The following ERBB4 variants were observed in gnomAD, a reference collection of about 807,000 sequenced individuals.
ERBB4 encodes receptor tyrosine-protein kinase erbB-4.
ERBB4 carries 42 observed loss-of-function variants against 158.0 expected under a neutral mutation model. That is an observed-to-expected ratio of 0.27 (90% CI 0.21 to 0.34). The LOEUF is 0.34. Ranked by LOEUF, ERBB4 falls within the 10% of genes least tolerant of loss-of-function variation. The pLI is 1.00. For synonymous variants in ERBB4, 583 were observed against 558.7 expected (o/e 1.04, Z -0.61); for missense variants, 1,333 against 1,624.1 (o/e 0.82, Z 3.08).
chr2:212,130,901 G>A lies in ERBB4; in HGVS notation c.83-5998C>T, dbSNP rs183977481. On this transcript the variant is annotated intron_variant, in intron 1 of 27. Coordinates refer to ENST00000342788, the MANE Select transcript of ERBB4 (RefSeq NM_005235.3). ...TCAAAGGCTGGCTACATAAAATATG[G>A]AACTTGATAAAAAATTCTTTTGCTG... 4.4e-4 allele frequency among the ~76,000 whole-genome samples: 67 copies of A among 152,236 alleles called. 1 individual carries two copies. Among genetic ancestry groups the A allele is most frequent in the African/African-American group, 1.6e-3 (65 of 41,564 alleles).
chr2:211,993,771 T>C (rs1361965695), intron 2 of ERBB4, among the ~76,000 whole-genome samples: 1 of 151,760 alleles, frequency 6.6e-6, no homozygotes, highest in Admixed American at 6.6e-5. Flanking sequence ...TAAGATCATT[T>C]CTGCTTTTAA....
chr2:212,228,435 T>G (rs963262469), intron 1 of ERBB4, among the ~76,000 whole-genome samples: 1 of 152,182 alleles, frequency 6.6e-6, no homozygotes, highest in Admixed American at 6.6e-5. Context: ...GTGGAGGAGA[T>G]AATTTATAAT....
intron 1 of ERBB4, among the ~76,000 whole-genome samples, chr2:212,180,204 C>G (rs1329731488): frequency 6.6e-6 from 1 of 151,674 alleles, no homozygotes; most frequent in Non-Finnish European, 1.5e-5. Flanking sequence ...ATAGTATATC[C>G]TCATAGGGGC....
At chr2:211,966,505 G>T (rs1014092006) in intron 2 of ERBB4, among the ~76,000 whole-genome samples, 6 of 152,122 alleles carry the variant, frequency 3.9e-5, no homozygotes, top group Non-Finnish European at 5.9e-5. Flanking sequence ...CTCCCAAAGG[G>T]CTGGGATTAC....
chr2:212,203,170 G>T (rs1435526240), intron 1 of ERBB4, among the ~76,000 whole-genome samples: 1 of 152,012 alleles, frequency 6.6e-6, no homozygotes, highest in Non-Finnish European at 1.5e-5. Flanking sequence ...ATAATAAGGA[G>T]AACAAATGGG....
At chr2:211,934,941 A>AAAAAAAAAAAAAAAAAGC in intron 3 of ERBB4, among the ~76,000 whole-genome samples, 1 of 150,334 alleles carries the variant, frequency 6.7e-6, no homozygotes, top group Admixed American at 6.6e-5. Context: ...AAAAAAAAAA[A>AAAAAAAAAAAAAAAAAGC]CTGCCTTGAA....
At chr2:212,309,885 T>C (rs1346704160) in intron 1 of ERBB4, among the ~76,000 whole-genome samples, 2 of 150,598 alleles carry the variant, frequency 1.3e-5, no homozygotes, top group African/African-American at 4.8e-5. Context: ...GGAGATGTTA[T>C]CATCCTATAT....
At chr2:211,917,695 C>T (rs965256935) in intron 3 of ERBB4, among the ~76,000 whole-genome samples, 1 of 151,582 alleles carries the variant, frequency 6.6e-6, no homozygotes, top group Admixed American at 6.6e-5. Context: ...AATTTCACTG[C>T]ATGGGATGGT....
intron 1 of ERBB4, among the ~76,000 whole-genome samples, chr2:212,236,318 A>C (rs2083871943): frequency 6.6e-6 from 1 of 152,166 alleles, no homozygotes; most frequent in African/African-American, 2.4e-5. Flanking sequence ...GATGAAACCA[A>C]CTTGATTGTG....
At chr2:212,515,690 C>T (rs1691798133) in intron 1 of ERBB4, among the ~76,000 whole-genome samples, 1 of 151,664 alleles carries the variant, frequency 6.6e-6, no homozygotes, top group Non-Finnish European at 1.5e-5. Flanking sequence ...CCTAAGAAAA[C>T]TTAAATTTTA....
intron 2 of ERBB4, among the ~76,000 whole-genome samples, chr2:212,099,720 A>C (rs938120952): frequency 5.6e-5 from 8 of 142,408 alleles, no homozygotes; most frequent in African/African-American, 2.2e-4. Context: ...TCAGCTCTAT[A>C]TAGCTTTGTT....
chr2:212,529,411 T>C (rs999946), intron 1 of ERBB4, among the ~76,000 whole-genome samples: 15,145 of 152,220 alleles, frequency 0.099, 1,012 homozygotes, highest in Non-Finnish European at 0.15. Context: ...GGGATAGGGA[T>C]GAATGATAGC....
At chr2:211,515,394 G>C (rs1181639195) in intron 20 of ERBB4, among the ~76,000 whole-genome samples, 1 of 152,032 alleles carries the variant, frequency 6.6e-6, no homozygotes, top group African/African-American at 2.4e-5. Context: ...AATGCTGTAG[G>C]ACTTTCAAAA....
At chr2:211,838,058 G>C (rs2105990161) in intron 3 of ERBB4, among the ~76,000 whole-genome samples, 1 of 152,104 alleles carries the variant, frequency 6.6e-6, no homozygotes, top group East Asian at 1.9e-4. Context: ...TATTTCATGG[G>C]TAATGACTGT....
intron 2 of ERBB4, among the ~76,000 whole-genome samples, chr2:212,077,130 T>A (rs1165899172): frequency 6.6e-6 from 1 of 151,968 alleles, no homozygotes; most frequent in Non-Finnish European, 1.5e-5. Flanking sequence ...ACTAAAATTA[T>A]ATATAAAACC....
At chr2:212,182,231 G>A (rs2081891014) in intron 1 of ERBB4, among the ~76,000 whole-genome samples, 1 of 151,668 alleles carries the variant, frequency 6.6e-6, no homozygotes, top group African/African-American at 2.4e-5. Flanking sequence ...TTTTAATGAT[G>A]ATGAAATAAG....
At position 211,819,774 on chromosome 2, in the gene ERBB4, G is replaced by GA. The variant is rs545434481; in HGVS notation, c.422-31616dup. On this transcript the variant is annotated intron_variant, in intron 3 of 27. Coordinates refer to ENST00000342788, the MANE Select transcript of ERBB4 (RefSeq NM_005235.3). ...AGAAAGGGTAGAACAAACTAGAGGT[G>GA]AAAAAAACAGTAAGGAGGGTATTGC... Among the ~76,000 whole-genome samples, 8 of 151,856 alleles carry GA rather than the reference G, an allele frequency of 5.3e-5. No individual in the cohort carries two copies. The East Asian group carries it at 1.2e-3, about 22-fold the overall frequency.
At chr2:211,629,729 C>T (rs1222158457) in intron 17 of ERBB4, among the ~76,000 whole-genome samples, 1 of 152,032 alleles carries the variant, frequency 6.6e-6, no homozygotes, top group Admixed American at 6.6e-5. Flanking sequence ...ACAGAGCCCT[C>T]AGAAATAATG....
intron 4 of ERBB4, among the ~76,000 whole-genome samples, chr2:211,781,624 T>C (rs1292277204): frequency 6.6e-6 from 1 of 152,204 alleles, no homozygotes; most frequent in East Asian, 1.9e-4. Context: ...AAAATGTAAC[T>C]GTCACATATT....
Sources: allele counts gnomAD v4.1 joint callset (sites outside exome capture counted in the v4.1 genomes callset), GRCh38; gene constraint gnomAD v4.1.1; transcripts MANE v1.5; gene names NCBI Gene and HGNC (gene_info 2026-07-23, HGNC 2026-07-21).